TAOK2: variants seen among roughly 807,000 people sequenced by gnomAD.
TAOK2 encodes the protein TAO kinase 2, also known as serine/threonine-protein kinase TAO2.
Under a neutral mutation model 122.5 loss-of-function variants are expected in TAOK2, and 42 were observed. The ratio of observed to expected loss-of-function variants is 0.34; its 90% CI spans 0.27 to 0.44. The LOEUF (loss-of-function observed/expected upper bound fraction) is 0.44, where lower values mean the gene tolerates loss of function less well. TAOK2 is among the 20% of genes least tolerant of loss of function. The pLI, the probability that TAOK2 is intolerant of heterozygous loss-of-function variation, is 1.00. For missense variants in TAOK2, 1,264 were observed against 1,644.9 expected (o/e 0.77, Z 4.01); for synonymous variants, 704 against 677.6 (o/e 1.04, Z -0.61).
chr16:29,987,675 C>T lies in TAOK2; in HGVS notation c.3403C>T (p.Arg1135Cys), dbSNP rs954914582. 5.6e-6 allele frequency: 9 copies of T among 1,613,820 alleles called. No homozygotes were observed. Among genetic ancestry groups the T allele is most frequent in the African/African-American group, 2.7e-5 (2 of 74,938 alleles). Residue 1135 changes from arginine to cysteine, a missense_variant, in exon 16 of 16, where the codon CGT becomes TGT. Around this residue, in one of 4 missense-constraint regions of TAOK2, gnomAD observed 824 missense variants for 908.7 expected, o/e 0.91. Transcript: ENST00000308893. ...CCTGCCCGTCCCTGGGCCCCGGCGG[C>T]GTAATCCCCGCACCACCCAACACCC... ...SRLPVPGPRR[R>C]NPRTTQHPLA...
chr16:29,986,316 C>T lies in TAOK2; in HGVS notation c.2044C>T (p.Arg682Trp), dbSNP rs774239550. ...QKDLECALLL[R>W]QHEATRELEL... ...GGACTTGGAGTGTGCACTGCTGCTT[C>T]GGCAGCACGAGGCCACGCGGGAGCT... The change falls in exon 16 of 16, where the codon CGG becomes TGG. Residue 682 changes from arginine to tryptophan, a missense_variant. Arg to Trp is a moderately radical substitution (Grantham distance 101). This residue lies in a region of TAOK2 where 824 missense variants were observed against 908.7 expected (regional missense o/e 0.91). Coordinates refer to ENST00000308893, the MANE Select transcript of TAOK2 (RefSeq NM_016151.4). The surrounding 1 kb of genome is among the most constrained non-coding windows in gnomAD (Gnocchi z 4.2). 5 of 1,559,748 alleles carry T rather than the reference C, an allele frequency of 3.2e-6. No homozygotes were observed. Among genetic ancestry groups the T allele is most frequent in the South Asian group, 1.2e-5 (1 of 84,116 alleles).
chr16:29,983,717 T>C (rs2069695267), intron 13 of TAOK2, 53 bp downstream of exon 13: 4 of 1,565,896 alleles, frequency 2.6e-6, no homozygotes, highest in Non-Finnish European at 3.5e-6. Flanking sequence ...TTTAAGTCTT[T>C]TTAAGTCTAG....
downstream of TAOK2, chr16:29,990,994 G>C: frequency 6.3e-7 from 1 of 1,597,268 alleles, no homozygotes; most frequent in Non-Finnish European, 8.5e-7. Context: ...CAGGACTGGG[G>C]AGGGAGGGTG....
chr16:29,979,812 C>T lies in TAOK2; in HGVS notation c.655+304C>T, dbSNP rs1036950290. ...GATAGCAGTGAATGAAAATCCTGCC[C>T]TCATGGAACTTACATTTGATTTAGG... On this transcript the variant is annotated intron_variant, in intron 8 of 15. Coordinates refer to ENST00000308893, the MANE Select transcript of TAOK2 (RefSeq NM_016151.4). This position sits in a 1 kb window ranked among gnomAD's most constrained non-coding sequence, Gnocchi z 4.1. 1.3e-5 allele frequency among the ~76,000 whole-genome samples: 2 copies of T among 152,180 alleles called. No individual in the cohort carries two copies. Among genetic ancestry groups the T allele is most frequent in the African/African-American group, 2.4e-5 (1 of 41,438 alleles).
downstream of TAOK2, chr16:29,989,604 G>T (rs1340573311): frequency 1.2e-6 from 2 of 1,613,882 alleles, no homozygotes; most frequent in African/African-American, 2.7e-5. Context: ...CTAAGGAGCT[G>T]CAGATCAAGA....
intron 4 of TAOK2, 80 bp downstream of exon 4, chr16:29,978,433 C>G (rs2069521580): frequency 2.1e-6 from 3 of 1,453,270 alleles, no homozygotes; most frequent in African/African-American, 1.4e-5. Context: ...CTTAGGTGGT[C>G]CCTGTTCGTG....
At chr16:29,984,093 G>A (rs1472383582) in intron 13 of TAOK2, among the ~76,000 whole-genome samples, 1 of 152,206 alleles carries the variant, frequency 6.6e-6, no homozygotes, top group Non-Finnish European at 1.5e-5. Flanking sequence ...GTCCTGAACA[G>A]CATCATGATA....
Position 29,986,301 on chromosome 16 carries a change from T to A in TAOK2, c.2029T>A (p.Cys677Ser). 1 of 1,541,028 alleles carries A rather than the reference T, an allele frequency of 6.5e-7. No homozygotes were observed. Among genetic ancestry groups the A allele is most frequent in the Non-Finnish European group, 8.7e-7 (1 of 1,143,090 alleles). The change falls in exon 16 of 16, where the codon TGT (cysteine) becomes AGT (serine). Residue 677 changes from cysteine to serine, a missense_variant. Around this residue, in one of 4 missense-constraint regions of TAOK2, gnomAD observed 824 missense variants for 908.7 expected, o/e 0.91. Coordinates refer to ENST00000308893, the MANE Select transcript of TAOK2 (RefSeq NM_016151.4). This position sits in a 1 kb window ranked among gnomAD's most constrained non-coding sequence, Gnocchi z 4.2. The part of the protein sequence containing the change: ...NKKQTQKDLE[C>S]ALLLRQHEAT... ...GAAGCAGACCCAGAAGGACTTGGAGTGTGCACTGCTGCTTCGGCAGCACGA... is the reference window on the plus strand; with the variant it reads ...GAAGCAGACCCAGAAGGACTTGGAGAGTGCACTGCTGCTTCGGCAGCACGA...
chr16:29,979,140 C>T lies in TAOK2; in HGVS notation c.450-55C>T, dbSNP rs1167186926. 3 of 1,611,644 alleles carry T rather than the reference C, an allele frequency of 1.9e-6. No homozygotes were observed. Among genetic ancestry groups the T allele is most frequent in the Non-Finnish European group, 1.7e-6 (2 of 1,177,882 alleles). On this transcript the variant is annotated intron_variant, in intron 6 of 15. Coordinates refer to ENST00000308893, the MANE Select transcript of TAOK2 (RefSeq NM_016151.4). The surrounding 1 kb of genome is among the most constrained non-coding windows in gnomAD (Gnocchi z 4.1). ...ACCACCTGTCACTTAGCTGGGCTGC[C>T]CCTGCCTAGCTTTCTTGAGACACAT...
chr16:29,976,164 G>C (rs1274913118), intron 1 of TAOK2, among the ~76,000 whole-genome samples: 1 of 152,166 alleles, frequency 6.6e-6, no homozygotes, highest in East Asian at 1.9e-4. Flanking sequence ...GCCTTGTGTT[G>C]GTAAAGAGGT....
intron 13 of TAOK2, among the ~76,000 whole-genome samples, chr16:29,984,816 C>G (rs895114648): frequency 6.6e-6 from 1 of 152,132 alleles, no homozygotes; most frequent in African/African-American, 2.4e-5. Context: ...CCCACAGCCC[C>G]TATGAGGAGG....
rs926076191 is a variant in TAOK2 at position 29,987,946 on chromosome 16, C to T, written c.3674C>T (p.Thr1225Ile). Residue 1225 changes from threonine to isoleucine, a missense_variant, in exon 16 of 16, where the codon ACC (threonine) becomes ATC (isoleucine). By Grantham distance (89) the Thr-to-Ile change is moderately conservative. Coordinates refer to ENST00000308893, the MANE Select transcript of TAOK2 (RefSeq NM_016151.4). ...PGTLAGRRSR[T>I]RQSRALPPWR Reference sequence around the variant, plus strand: ...ACTCTAGCCGGGCGGAGGTCACGCACCCGCCAGTCCCGGGCCCTGCCCCCC... The same window carrying T: ...ACTCTAGCCGGGCGGAGGTCACGCATCCGCCAGTCCCGGGCCCTGCCCCCC... 3.2e-6 allele frequency: 5 copies of T among 1,540,826 alleles called. No homozygotes were observed. The highest frequency in any genetic ancestry group is 1.4e-5 in the African/African-American group (1 of 74,070).
chr16:29,986,875 G>A lies in TAOK2; in HGVS notation c.2603G>A (p.Gly868Glu). Residue 868 changes from glycine (G) to glutamate (E), a missense_variant, in exon 16 of 16, where the codon GGG (glycine) becomes GAG (glutamate). Physicochemically the swap from Gly to Glu is moderately conservative, Grantham distance 98 (BLOSUM62 -2). Transcript: ENST00000308893. The surrounding 1 kb of genome is among the most constrained non-coding windows in gnomAD (Gnocchi z 4.2). ...ERSIVGQEEAGTWSLWGKEDE... is the reference protein window; with the variant it reads ...ERSIVGQEEAETWSLWGKEDE... ...AGCATTGTTGGCCAGGAGGAGGCTGGGACATGGAGCTTGTGGGGGAAGGAG... is the reference window on the plus strand; with the variant it reads ...AGCATTGTTGGCCAGGAGGAGGCTGAGACATGGAGCTTGTGGGGGAAGGAG... The A allele has an allele frequency of 6.2e-7, 1 of 1,614,062 alleles. No individual in the cohort carries two copies. The highest frequency in any genetic ancestry group is 8.5e-7 in the Non-Finnish European group (1 of 1,179,952).
rs1315183683 is a variant in TAOK2 at position 29,981,856 on chromosome 16, C to G, written c.750-3C>G. ...CCCTCTCCCACCCTCCTGTGACTTTCAGGTCTGAGTACTTCCGGAATTTTG... is the reference window on the plus strand; with the variant it reads ...CCCTCTCCCACCCTCCTGTGACTTTGAGGTCTGAGTACTTCCGGAATTTTG... On this transcript the variant is annotated splice_region_variant and splice_polypyrimidine_tract_variant and intron_variant, in intron 9 of 15. Coordinates refer to ENST00000308893, the MANE Select transcript of TAOK2 (RefSeq NM_016151.4). 5 of 1,552,802 alleles carry G rather than the reference C, an allele frequency of 3.2e-6. No individual in the cohort carries two copies. Among genetic ancestry groups the G allele is most frequent in the Non-Finnish European group, 4.4e-6 (5 of 1,131,232 alleles).
Position 29,987,879 on chromosome 16 carries a change from C to A in TAOK2, c.3607C>A (p.Arg1203Ser). The A allele has an allele frequency of 6.2e-7, 1 of 1,602,688 alleles. No homozygotes were observed. Among genetic ancestry groups the A allele is most frequent in the Admixed American group, 1.7e-5 (1 of 59,564 alleles). ...RIPRLLPRSQ[R>S]QLGPPASRQP... ...CCCCCGGCTACTACCACGCAGCCAG[C>A]GCCAGCTAGGGCCCCCTGCCTCCCG... is the stretch of plus-strand genomic sequence containing the variant. Residue 1203 changes from arginine to serine, a missense_variant, in exon 16 of 16, where the codon CGC becomes AGC. Coordinates refer to ENST00000308893, the MANE Select transcript of TAOK2 (RefSeq NM_016151.4).
chr16:29,986,984 A>G lies in TAOK2; in HGVS notation c.2712A>G (p.Glu904=). 1 of 1,613,410 alleles carries G rather than the reference A, an allele frequency of 6.2e-7. No individual in the cohort carries two copies. The highest frequency in any genetic ancestry group is 1.7e-5 in the Admixed American group (1 of 59,944). The change falls in exon 16 of 16, where the codon GAA becomes GAG. Residue 904 remains glutamate, a synonymous_variant. Transcript: ENST00000308893. The surrounding 1 kb of genome is among the most constrained non-coding windows in gnomAD (Gnocchi z 4.2). The stretch of plus-strand genomic sequence containing the variant: ...CTCCCGTCCCTGAGGAGGAGGAAGA[A>G]GAGGAAGAGGGGGCTCCGATTGGGA... The part of the protein sequence containing the change: ...ALTPVPEEEE[E]EEEGAPIGTP...
chr16:29,991,199 T>C, downstream of TAOK2: 1 of 1,611,122 alleles, frequency 6.2e-7, no homozygotes, highest in Non-Finnish European at 8.5e-7. This position sits in a 1 kb window ranked among gnomAD's most constrained non-coding sequence, Gnocchi z 5.6. Flanking sequence ...CGGCTGAAGC[T>C]GCTGCCCAGG....
chr16:29,978,216 C>T (rs2069514501), intron 3 of TAOK2, 36 bp from the exon 4 acceptor site: 2 of 1,613,768 alleles, frequency 1.2e-6, no homozygotes, highest in African/African-American at 2.7e-5. Flanking sequence ...TCTCAAGATG[C>T]AAGCTGGGTA....
rs781689890 is a variant in TAOK2, at chr16:29,987,922, C to T, written c.3650C>T (p.Thr1217Ile). The part of the protein sequence containing the change: ...PPASRQPLPG[T>I]LAGRRSRTRQ... Reference sequence around the variant, plus strand: ...GCCTCCCGCCAGCCACTGCCAGGGACTCTAGCCGGGCGGAGGTCACGCACC... The same window carrying T: ...GCCTCCCGCCAGCCACTGCCAGGGATTCTAGCCGGGCGGAGGTCACGCACC... The change falls in exon 16 of 16, where the codon ACT (threonine) becomes ATT (isoleucine). Residue 1217 changes from threonine (T) to isoleucine (I), a missense_variant. Physicochemically the swap from Thr to Ile is moderately conservative, Grantham distance 89. Around this residue, in one of 4 missense-constraint regions of TAOK2, gnomAD observed 824 missense variants for 908.7 expected, o/e 0.91. Transcript: ENST00000308893. The T allele has an allele frequency of 3.8e-6, 6 of 1,562,604 alleles. No individual in the cohort carries two copies. Among genetic ancestry groups the T allele is most frequent in the South Asian group, 2.4e-5 (2 of 83,860 alleles).
Sources: allele counts gnomAD v4.1 joint callset (sites outside exome capture counted in the v4.1 genomes callset), GRCh38; gene constraint gnomAD v4.1.1; regional missense constraint gnomAD v4.1.1; non-coding constraint Gnocchi (gnomAD v3.1); transcripts MANE v1.5; gene names NCBI Gene and HGNC (gene_info 2026-07-23, HGNC 2026-07-21).